The following CEP164 variants were observed in gnomAD, a reference collection of about 807,000 sequenced individuals.
The protein encoded by CEP164 is centrosomal protein of 164 kDa.
Under a neutral mutation model 182.7 loss-of-function variants are expected in CEP164, and 162 were observed. The ratio of observed to expected loss-of-function variants is 0.89; its 90% CI spans 0.78 to 1.01. The LOEUF is 1.01. Ranked by LOEUF, CEP164 falls within the 50% of genes least tolerant of loss-of-function variation. The pLI, the probability that CEP164 is intolerant of heterozygous loss-of-function variation, is 0.00. For missense variants in CEP164, 1,735 were observed against 1,790.4 expected (o/e 0.97, Z 0.56); for synonymous variants, 661 against 690.0 (o/e 0.96, Z 0.66).
chr11:117,332,361 G>A (rs2036361860), intron 1 of CEP164, among the ~76,000 whole-genome samples: 1 of 152,100 alleles, frequency 6.6e-6, no homozygotes, highest in African/African-American at 2.4e-5. Context: ...GATCACCTGA[G>A]GATAGGAGGT....
chr11:117,339,220 G>C (rs373610051), intron 3 of CEP164, among the ~76,000 whole-genome samples: 1 of 152,182 alleles, frequency 6.6e-6, no homozygotes, highest in Non-Finnish European at 1.5e-5. Flanking sequence ...ATATGTGGCT[G>C]TTAAGAGAGG....
chr11:117,354,129 C>G (rs1011195239), intron 5 of CEP164, among the ~76,000 whole-genome samples: 2 of 151,778 alleles, frequency 1.3e-5, no homozygotes, highest in Non-Finnish European at 1.5e-5. Context: ...CAATTCTCGT[C>G]CCTCAGCCTT....
intron 8 of CEP164, among the ~76,000 whole-genome samples, chr11:117,367,447 A>G (rs1592197163): frequency 2.0e-5 from 3 of 152,376 alleles, no homozygotes; most frequent in East Asian, 3.9e-4. Context: ...GAATTTAAGC[A>G]TAAGAATTGA....
rs757246851 is a variant in CEP164, at chr11:117,410,854, C to G, written c.4123C>G (p.Pro1375Ala). ...PSGIPLLSNS[P>A]TPLESRLGYM... is the part of the protein sequence containing the mutation. ...TGGCATCCCGCTGCTCAGCAACAGC[C>G]CCACCCCGCTGGAGAGCAGGCTGGG... Residue 1375 changes from proline to alanine, a missense_variant, in exon 31 of 33, where the codon CCC becomes GCC. Physicochemically the swap from Pro to Ala is conservative, Grantham distance 27. Coordinates refer to ENST00000278935, the MANE Select transcript of CEP164 (RefSeq NM_014956.5). 6.5e-5 allele frequency: 105 copies of G among 1,613,186 alleles called. No homozygotes were observed. The highest frequency in any genetic ancestry group is 8.4e-5 in the Non-Finnish European group (99 of 1,179,686).
At chr11:117,354,543 A>G (rs1449381933) in intron 5 of CEP164, among the ~76,000 whole-genome samples, 3 of 152,126 alleles carry the variant, frequency 2.0e-5, no homozygotes, top group African/African-American at 7.2e-5. Context: ...CACATGCACA[A>G]TATAGTACCC....
In CEP164 at chr11:117,391,195, C is replaced by G. The variant is rs371621918; in HGVS notation, c.2263C>G (p.Leu755Val). The G allele has an allele frequency of 4.3e-6, 7 of 1,611,126 alleles. No individual in the cohort carries two copies. The highest frequency in any genetic ancestry group is 5.9e-6 in the Non-Finnish European group (7 of 1,179,284). Residue 755 changes from leucine (L) to valine (V), a missense_variant, in exon 17 of 33, where the codon CTG becomes GTG. By Grantham distance (32) the Leu-to-Val change is conservative. Coordinates refer to ENST00000278935, the MANE Select transcript of CEP164 (RefSeq NM_014956.5). ...GGCTCTGCAGCAGCTGAGGGAGCAG[C>G]TGGAAGGGGAGAGGAAAGAAGTGAG... ...EKALQQLREQ[L>V]EGERKEAVAT...
intron 8 of CEP164, chr11:117,364,029 G>A (rs1337501660): frequency 1.3e-5 from 2 of 152,182 alleles, no homozygotes; most frequent in Admixed American, 6.5e-5. Context: ...GTCTCCCAAA[G>A]TGCTGGAATT....
intron 9 of CEP164, among the ~76,000 whole-genome samples, chr11:117,372,607 G>C (rs2042327452): frequency 6.6e-6 from 1 of 151,900 alleles, no homozygotes; most frequent in African/African-American, 2.4e-5. Context: ...AGTAGAGACG[G>C]GGTTTCTCCA....
At chr11:117,322,712 C>T (rs1200231427) in intron 1 of CEP164, among the ~76,000 whole-genome samples, 3 of 149,704 alleles carry the variant, frequency 2.0e-5, no homozygotes, top group South Asian at 2.1e-4. Context: ...TGTGTCACCA[C>T]GCCTGGCATA....
chr11:117,362,130 T>G (rs1288452108), intron 6 of CEP164, 137 bp downstream of exon 6: 19 of 880,156 alleles, frequency 2.2e-5, no homozygotes, highest in Non-Finnish European at 3.3e-5. Flanking sequence ...GTTGGGAAAA[T>G]GTAATTCGCA....
intron 19 of CEP164, 76 bp downstream of exon 19, chr11:117,392,703 C>G (rs1298190991): frequency 3.9e-6 from 6 of 1,548,486 alleles, no homozygotes; most frequent in Non-Finnish European, 4.4e-6. Flanking sequence ...CCGGCCTAGC[C>G]TCAGCGGCCT....
At chr11:117,372,523 C>A (rs2042320332) in intron 9 of CEP164, among the ~76,000 whole-genome samples, 1 of 152,070 alleles carries the variant, frequency 6.6e-6, no homozygotes, top group Admixed American at 6.5e-5. Context: ...TCAAGTGATT[C>A]TCCTGCCTCA....
chr11:117,378,027 ATT>A (rs796284395), intron 11 of CEP164, among the ~76,000 whole-genome samples: 1 of 144,214 alleles, frequency 6.9e-6, no homozygotes, highest in Admixed American at 6.9e-5. Flanking sequence ...TGCCCGGCTA[ATT>A]TTTTTTTTTT....
chr11:117,351,101 T>C (rs555216236), intron 4 of CEP164, among the ~76,000 whole-genome samples: 15 of 152,298 alleles, frequency 9.8e-5, no homozygotes, highest in Middle Eastern at 3.4e-3. Flanking sequence ...GGCACAATCT[T>C]GGCTCACTGC....
intron 5 of CEP164, among the ~76,000 whole-genome samples, chr11:117,359,918 GGA>G (rs1459752866): frequency 1.3e-5 from 2 of 152,118 alleles, no homozygotes; most frequent in Non-Finnish European, 2.9e-5. Context: ...ACTGAGAATT[GGA>G]GAGTCTGTGA....
intron 11 of CEP164, 109 bp downstream of exon 11, chr11:117,375,900 C>T: frequency 1.1e-6 from 1 of 886,136 alleles, no homozygotes; most frequent in Non-Finnish European, 1.8e-6. Context: ...TTCTGTAAGT[C>T]CTCTCCCTTC....
At position 117,396,038 on chromosome 11, in the gene CEP164, A is replaced by C. The variant is rs693147; in HGVS notation, c.3090-16A>C. ...CCAGCCGCTGCCCTGCCTCTCACTC[A>C]TCTTTCCTTCCACAGCAGCCTGGAG... is the stretch of plus-strand genomic sequence containing the variant. On this transcript the variant is annotated splice_polypyrimidine_tract_variant and intron_variant, in intron 24 of 32. Transcript: ENST00000278935. The C allele has an allele frequency of 0.6, 962,767 of 1,613,544 alleles. 292,162 individuals are homozygous for C. The highest frequency in any genetic ancestry group is 0.65 in the African/African-American group (48,655 of 74,914).
At position 117,394,954 on chromosome 11, in the gene CEP164, A is replaced by G; in HGVS notation, c.2795A>G (p.Glu932Gly). The G allele has an allele frequency of 6.2e-7, 1 of 1,614,190 alleles. No homozygotes were observed. The highest frequency in any genetic ancestry group is 8.5e-7 in the Non-Finnish European group (1 of 1,180,044). Residue 932 changes from glutamate to glycine, a missense_variant, in exon 22 of 33, where the codon GAA (glutamate) becomes GGA (glycine). Physicochemically the swap from Glu to Gly is moderately conservative, Grantham distance 98. Transcript: ENST00000278935. This position sits in a 1 kb window ranked among gnomAD's most constrained non-coding sequence, Gnocchi z 4.0. The part of the protein sequence containing the change: ...RKLQDLELDL[E>G]TRAKDVKARL... ...CTCCAGGATTTAGAGTTGGACCTTG[A>G]AACCAGAGCTAAAGATGTCAAGGCC...
intron 27 of CEP164, among the ~76,000 whole-genome samples, chr11:117,403,992 T>A (rs1157096340): frequency 1.3e-5 from 2 of 152,078 alleles, no homozygotes; most frequent in Non-Finnish European, 2.9e-5. Flanking sequence ...TGCTTGTTTT[T>A]CAGCTCCATC....
Sources: gnomAD v4.1 joint callset for allele counts (sites outside exome capture counted in the v4.1 genomes callset) on GRCh38, gnomAD v4.1.1 for gene constraint, Gnocchi (gnomAD v3.1) non-coding constraint, MANE v1.5 for transcripts, NCBI Gene and HGNC (gene_info 2026-07-23, HGNC 2026-07-21) for gene names.